Variants in CLIP1 observed in about 807,000 individuals in gnomAD.
The protein encoded by CLIP1 is CAP-Gly domain-containing linker protein 1.
CLIP1 carries 66 observed loss-of-function variants against 161.6 expected under a neutral mutation model. The observed-to-expected ratio is 0.41, with a 90% CI of 0.33 to 0.50. CLIP1 has a LOEUF of 0.50. CLIP1 is among the 20% of genes least tolerant of loss of function. The pLI is 0.27. For missense variants in CLIP1, 1,376 were observed against 1,702.0 expected (o/e 0.81, Z 3.37); for synonymous variants, 598 against 626.2 (o/e 0.96, Z 0.67).
intron 3 of CLIP1, among the ~76,000 whole-genome samples, chr12:122,377,003 T>A (rs1166651472): frequency 2.0e-5 from 3 of 151,282 alleles, no homozygotes; most frequent in Non-Finnish European, 4.4e-5. Flanking sequence ...TATGTGTGTA[T>A]TTCTGGCATT....
chr12:122,383,067 C>T (rs903830610), intron 1 of CLIP1, among the ~76,000 whole-genome samples: 4 of 152,140 alleles, frequency 2.6e-5, no homozygotes, highest in East Asian at 1.9e-4. Flanking sequence ...CAGCCAACAA[C>T]GACCATGTCT....
chr12:122,398,652 A>C (rs1271024777), intron 1 of CLIP1, among the ~76,000 whole-genome samples: 6 of 151,918 alleles, frequency 3.9e-5, no homozygotes, highest in Non-Finnish European at 8.8e-5. Context: ...TGGATCACTT[A>C]AGTCCAGGAG....
At chr12:122,359,717 C>T (rs1464973374) in intron 5 of CLIP1, among the ~76,000 whole-genome samples, 1 of 152,184 alleles carries the variant, frequency 6.6e-6, no homozygotes, top group Non-Finnish European at 1.5e-5. Flanking sequence ...CACAGCCCCA[C>T]GTGAAGATTT....
At chr12:122,338,872 A>G (rs368092197) in intron 11 of CLIP1, among the ~76,000 whole-genome samples, 1 of 152,172 alleles carries the variant, frequency 6.6e-6, no homozygotes, top group East Asian at 1.9e-4. Flanking sequence ...GAACCACATG[A>G]GGAGATTTGA....
intron 3 of CLIP1, among the ~76,000 whole-genome samples, chr12:122,371,580 G>GCTCAC (rs1954454191): frequency 1.3e-5 from 2 of 152,268 alleles, no homozygotes; most frequent in Admixed American, 1.3e-4. Context: ...AAAGAATAGA[G>GCTCAC]GTGAGGAGAG....
chr12:122,321,055 T>TAAATAAATAAAG (rs1480600258), intron 17 of CLIP1, among the ~76,000 whole-genome samples: 6 of 148,640 alleles, frequency 4.0e-5, no homozygotes, highest in Middle Eastern at 6.9e-3. Context: ...AATAAATAAA[T>TAAATAAATAAAG]AAAGTCCTTT....
intron 1 of CLIP1, among the ~76,000 whole-genome samples, chr12:122,403,094 C>A (rs1325517027): frequency 6.6e-6 from 1 of 152,134 alleles, no homozygotes; most frequent in Admixed American, 6.6e-5. Flanking sequence ...CCAGGCCCCC[C>A]TGGATATGCA....
intron 3 of CLIP1, among the ~76,000 whole-genome samples, chr12:122,371,359 G>T (rs1954439473): frequency 6.6e-6 from 1 of 152,150 alleles, no homozygotes; most frequent in Admixed American, 6.6e-5. Flanking sequence ...AGTCTAGACA[G>T]ACACCAAATT....
intron 21 of CLIP1, among the ~76,000 whole-genome samples, chr12:122,283,332 A>T (rs75588168): frequency 0.019 from 2,947 of 152,000 alleles, 86 homozygotes; most frequent in African/African-American, 0.066. Flanking sequence ...TTGGGGAAAA[A>T]TTTTTTACTA....
In CLIP1 at chr12:122,355,172, C is replaced by A. The variant is rs751868310; in HGVS notation, c.1146G>T (p.Thr382=). 12 of 1,614,120 alleles carry A rather than the reference C, an allele frequency of 7.4e-6. No homozygotes were observed. The highest frequency in any genetic ancestry group is 1.6e-4 in the Middle Eastern group (1 of 6,082). ...DLERAEVAKA[T]SHVGEIEQEL... is the part of the protein sequence containing the mutation. ...CCTGCTCTATCTCCCCCACGTGGCTCGTGGCCTTGGCCACCTCCGCCCTCT... is the reference window on the plus strand; with the variant it reads ...CCTGCTCTATCTCCCCCACGTGGCTAGTGGCCTTGGCCACCTCCGCCCTCT... Residue 382 remains threonine, a synonymous_variant, in exon 6 of 26, where the codon ACG becomes ACT. Coordinates refer to ENST00000620786, the MANE Select transcript of CLIP1 (RefSeq NM_001247997.2). This position sits in a 1 kb window ranked among gnomAD's most constrained non-coding sequence, Gnocchi z 4.1.
intron 1 of CLIP1, among the ~76,000 whole-genome samples, chr12:122,410,458 CTT>C (rs34639257): frequency 1.9e-3 from 231 of 119,430 alleles, no homozygotes; most frequent in African/African-American, 3.9e-3. Context: ...CACACACACA[CTT>C]TTTTTTTTTT....
intron 25 of CLIP1, among the ~76,000 whole-genome samples, chr12:122,273,489 G>A (rs960242025): frequency 2.0e-5 from 3 of 152,132 alleles, no homozygotes; most frequent in African/African-American, 7.2e-5. Context: ...GACCCCAGGT[G>A]ATCTGCCCAC....
At position 122,405,467 on chromosome 12, in the gene CLIP1, C is replaced by A. The variant is rs146344475; in HGVS notation, c.-107+17054G>T. Among the ~76,000 whole-genome samples, 191 of 152,256 alleles carry A rather than the reference C, an allele frequency of 1.3e-3. 1 individual carries two copies. The highest frequency in any genetic ancestry group is 4.5e-3 in the African/African-American group (188 of 41,550). On this transcript the variant is annotated intron_variant, in intron 1 of 25. Transcript: ENST00000620786. ...TATAACTTTTTAAATAGGCCAGACT[C>A]AGCTTTAAAATTAACACAAAGATTA...
intron 21 of CLIP1, among the ~76,000 whole-genome samples, chr12:122,281,530 C>T (rs1463583493): frequency 6.6e-6 from 1 of 151,114 alleles, no homozygotes; most frequent in Non-Finnish European, 1.5e-5. Context: ...TCTACAGAAA[C>T]TTACAAAAAA....
rs151266405 is a variant in CLIP1, at chr12:122,350,826, G to A, written c.1401+285C>T. On this transcript the variant is annotated intron_variant, in intron 9 of 25. Transcript: ENST00000620786. Reference sequence around the variant, plus strand: ...ATTATGAATTAGGTGAAGAAGGCCAGGTCTCCAGACAAAAAACATTTTTCC... The same window carrying A: ...ATTATGAATTAGGTGAAGAAGGCCAAGTCTCCAGACAAAAAACATTTTTCC... 3.8e-3 allele frequency among the ~76,000 whole-genome samples: 572 copies of A among 151,614 alleles called. 2 individuals are homozygous for A. The highest frequency in any genetic ancestry group is 0.013 in the African/African-American group (546 of 41,282).
chr12:122,330,920 G>A (rs1216026347), intron 15 of CLIP1, among the ~76,000 whole-genome samples: 1 of 151,772 alleles, frequency 6.6e-6, no homozygotes, highest in African/African-American at 2.4e-5. Flanking sequence ...GTTATTAAGA[G>A]CAGGAGGGGC....
At chr12:122,409,403 G>A (rs944083788) in intron 1 of CLIP1, among the ~76,000 whole-genome samples, 3 of 152,082 alleles carry the variant, frequency 2.0e-5, no homozygotes, top group Non-Finnish European at 4.4e-5. Context: ...TGGGATTACA[G>A]GCACGAGCCA....
intron 1 of CLIP1, among the ~76,000 whole-genome samples, chr12:122,401,131 G>A (rs1364781598): frequency 1.3e-5 from 2 of 152,164 alleles, no homozygotes; most frequent in Non-Finnish European, 2.9e-5. Context: ...GGCTGGTCTC[G>A]AACTCCCGAC....
chr12:122,335,670 G>A (rs1952182919), intron 12 of CLIP1, among the ~76,000 whole-genome samples: 1 of 151,982 alleles, frequency 6.6e-6, no homozygotes, highest in Non-Finnish European at 1.5e-5. Flanking sequence ...AGCCAGTCGT[G>A]GTAACAGGCG....
Sources: gnomAD v4.1 joint callset for allele counts (sites outside exome capture counted in the v4.1 genomes callset) on GRCh38, gnomAD v4.1.1 for gene constraint, Gnocchi (gnomAD v3.1) non-coding constraint, MANE v1.5 for transcripts, NCBI Gene and HGNC (gene_info 2026-07-23, HGNC 2026-07-21) for gene names.